The following ABTB3 variants were observed in gnomAD, a reference collection of about 807,000 sequenced individuals.
The protein encoded by ABTB3 is ankyrin repeat and BTB domain containing 3, also known as ankyrin repeat- and BTB/POZ domain-containing protein 3.
At chr12:107,552,697 C>A in the ABTB3 span, among the ~76,000 whole-genome samples, 1 of 152,168 alleles carries the variant, frequency 6.6e-6, no homozygotes, top group Admixed American at 6.5e-5. Context: ...GATGGAGTCA[C>A]GAGCACATTT....
the ABTB3 span, among the ~76,000 whole-genome samples, chr12:107,529,141 C>T: frequency 9.8e-6 from 1 of 102,502 alleles, no homozygotes; most frequent in Non-Finnish European, 2.0e-5. Context: ...ATGGTGATGG[C>T]GATAATGACG....
At chr12:107,552,490 T>C in the ABTB3 span, among the ~76,000 whole-genome samples, 1 of 152,224 alleles carries the variant, frequency 6.6e-6, no homozygotes, top group Non-Finnish European at 1.5e-5. Flanking sequence ...CAACAGCTTT[T>C]GGTTGTTTCA....
chr12:107,563,770 C>T, the ABTB3 span, among the ~76,000 whole-genome samples: 1 of 152,082 alleles, frequency 6.6e-6, no homozygotes, highest in Admixed American at 6.5e-5. Context: ...GAAACAAGAG[C>T]AGAGGCCAAG....
chr12:107,582,845 C>G, the ABTB3 span, among the ~76,000 whole-genome samples: 2 of 152,300 alleles, frequency 1.3e-5, no homozygotes, highest in South Asian at 4.1e-4. Flanking sequence ...TGCTCATTGC[C>G]CCCATCGCCA....
the ABTB3 span, among the ~76,000 whole-genome samples, chr12:107,353,641 G>T: frequency 6.6e-6 from 1 of 152,180 alleles, no homozygotes; most frequent in East Asian, 1.9e-4. Flanking sequence ...CAACCCCTGG[G>T]CTGTGGACCA....
the ABTB3 span, among the ~76,000 whole-genome samples, chr12:107,529,653 C>T: frequency 6.6e-6 from 1 of 152,118 alleles, no homozygotes; most frequent in Non-Finnish European, 1.5e-5. Flanking sequence ...AGGTTAAGTA[C>T]TTTATATATA....
chr12:107,529,197 GTGA>G, the ABTB3 span, among the ~76,000 whole-genome samples: 464 of 144,846 alleles, frequency 3.2e-3, 4 homozygotes, highest in African/African-American at 0.012. Flanking sequence ...GATGGTGATG[GTGA>G]TGATGATGAT....
At chr12:107,602,684 A>G in the ABTB3 span, among the ~76,000 whole-genome samples, 2,598 of 152,326 alleles carry the variant, frequency 0.017, 77 homozygotes, top group African/African-American at 0.057. Context: ...CATAATTTCT[A>G]TGCTAGCTTT....
chr12:107,477,942 G>A, the ABTB3 span, among the ~76,000 whole-genome samples: 1 of 152,086 alleles, frequency 6.6e-6, no homozygotes, highest in African/African-American at 2.4e-5. Flanking sequence ...CTATTGATCA[G>A]GACAAGCAAA....
the ABTB3 span, among the ~76,000 whole-genome samples, chr12:107,578,385 T>TC: frequency 3.0e-5 from 2 of 66,628 alleles, no homozygotes; most frequent in South Asian, 4.3e-4. Context: ...TTCTTCTTCT[T>TC]TTTTTTTTTT....
At chr12:107,436,748 A>T in the ABTB3 span, among the ~76,000 whole-genome samples, 1 of 152,138 alleles carries the variant, frequency 6.6e-6, no homozygotes, top group Admixed American at 6.5e-5. Flanking sequence ...AGCTCTGCTT[A>T]TTAGCGCACA....
chr12:107,427,237 A>G, the ABTB3 span, among the ~76,000 whole-genome samples: 2 of 149,986 alleles, frequency 1.3e-5, no homozygotes, highest in African/African-American at 4.9e-5. Context: ...CTCTTCTTCC[A>G]TCATCACGTT....
the ABTB3 span, among the ~76,000 whole-genome samples, chr12:107,412,443 C>T: frequency 2.9e-4 from 44 of 152,254 alleles, no homozygotes; most frequent in Middle Eastern, 6.8e-3. Flanking sequence ...GCCATTTGTG[C>T]GTAACGTCCA....
the ABTB3 span, among the ~76,000 whole-genome samples, chr12:107,401,917 T>TTG: frequency 1.3e-5 from 2 of 149,866 alleles, no homozygotes; most frequent in Non-Finnish European, 3.0e-5. Context: ...GCTTAGGGTT[T>TTG]TTTTTTTTTT....
At chr12:107,538,633 C>T in the ABTB3 span, among the ~76,000 whole-genome samples, 1 of 152,192 alleles carries the variant, frequency 6.6e-6, no homozygotes, top group Non-Finnish European at 1.5e-5. Context: ...TGTTGAGTTG[C>T]TTCTTCTACC....
the ABTB3 span, among the ~76,000 whole-genome samples, chr12:107,370,757 A>ATTTTT: frequency 5.3e-4 from 46 of 87,460 alleles, no homozygotes; most frequent in African/African-American, 2.0e-3. Flanking sequence ...CAAAAAAGGG[A>ATTTTT]TTTTTTTTTT....
chr12:107,563,223 C>T, the ABTB3 span, among the ~76,000 whole-genome samples: 1 of 152,186 alleles, frequency 6.6e-6, no homozygotes, highest in East Asian at 1.9e-4. Flanking sequence ...TTCCAGCGAA[C>T]CATTCCCTGG....
the ABTB3 span, among the ~76,000 whole-genome samples, chr12:107,356,649 C>T: frequency 6.6e-6 from 1 of 152,180 alleles, no homozygotes; most frequent in Non-Finnish European, 1.5e-5. Context: ...AAATGTTCCA[C>T]CCTGTGTGCC....
the ABTB3 span, among the ~76,000 whole-genome samples, chr12:107,329,376 T>C: frequency 6.6e-6 from 1 of 152,170 alleles, no homozygotes; most frequent in Non-Finnish European, 1.5e-5. Flanking sequence ...ATGGTAGCGC[T>C]CCCTCATAAA....
Sources: gnomAD v4.1 joint callset for allele counts (sites outside exome capture counted in the v4.1 genomes callset) on GRCh38, gnomAD v4.1.1 for gene constraint, MANE v1.5 for transcripts, NCBI Gene and HGNC (gene_info 2026-07-23, HGNC 2026-07-21) for gene names.